DIP2B: variants seen among roughly 807,000 people sequenced by gnomAD.
DIP2B encodes disco-interacting protein 2 homolog B.
Under a neutral mutation model 198.0 loss-of-function variants are expected in DIP2B, and 76 were observed. That is an observed-to-expected ratio of 0.38 (90% CI 0.32 to 0.46). The LOEUF is 0.46. Among genes scored for constraint, DIP2B ranks in the 20% least tolerant of loss-of-function variants. The pLI is 0.99. For missense variants in DIP2B, 1,559 were observed against 1,978.4 expected, an observed-to-expected ratio of 0.79 and a Z score of 4.02; for synonymous variants, 701 against 739.1, an observed-to-expected ratio of 0.95 and a Z score of 0.84.
intron 1 of DIP2B, among the ~76,000 whole-genome samples, chr12:50,559,313 CTTTTTT>C (rs11301460): frequency 8.1e-6 from 1 of 123,032 alleles, no homozygotes. Context: ...AATTATTTGT[CTTTTTT>C]TTTTTTTTTT....
intron 1 of DIP2B, among the ~76,000 whole-genome samples, chr12:50,624,864 C>T (rs991663803): frequency 6.6e-6 from 1 of 152,130 alleles, no homozygotes; most frequent in Admixed American, 6.5e-5. Context: ...TGCTCTAGCC[C>T]TTTTTAGTGA....
intron 34 of DIP2B, among the ~76,000 whole-genome samples, chr12:50,736,750 A>G (rs1348264588): frequency 6.6e-6 from 1 of 152,224 alleles, no homozygotes; most frequent in African/African-American, 2.4e-5. Flanking sequence ...TAAGGTCCTG[A>G]TCTGCAATTT....
At chr12:50,680,348 A>T in intron 8 of DIP2B, 1 of 177,964 alleles carries the variant, frequency 5.6e-6, no homozygotes. Context: ...CCTCCCTTTC[A>T]GTATGATCAG....
At chr12:50,705,842 C>T (rs952949457) in intron 20 of DIP2B, among the ~76,000 whole-genome samples, 2 of 152,102 alleles carry the variant, frequency 1.3e-5, no homozygotes, top group African/African-American at 2.4e-5. Flanking sequence ...GTGACATTCA[C>T]GTGGAAATAA....
rs1975351 is a variant in DIP2B, at chr12:50,741,384, A to G, written c.4355-32A>G. ...GTTATGTTGCACTCAGTATATGTCC[A>G]AGCCACATTTCTCTCTTTTTCTTTC... On this transcript the variant is annotated intron_variant, in intron 36 of 37. Coordinates refer to ENST00000301180, the MANE Select transcript of DIP2B (RefSeq NM_173602.3). 1,595,980 of 1,608,814 alleles carry G rather than the reference A, an allele frequency of 0.99. 792,446 individuals carry two copies. Among genetic ancestry groups the G allele is most frequent in the East Asian group, 1 (44,862 of 44,862 alleles).
At chr12:50,635,448 A>G (rs1172031794) in intron 2 of DIP2B, among the ~76,000 whole-genome samples, 1 of 152,202 alleles carries the variant, frequency 6.6e-6, no homozygotes, top group African/African-American at 2.4e-5. Flanking sequence ...CTTGATAAGA[A>G]GTTCTGGTCA....
At chr12:50,721,479 ACT>A in intron 26 of DIP2B, 83 bp downstream of exon 26, 1 of 1,561,368 alleles carries the variant, frequency 6.4e-7, no homozygotes, top group Non-Finnish European at 8.7e-7. Context: ...ACTCAGAGCT[ACT>A]CTCTATGACT....
chr12:50,647,632 A>G (rs1031185418), intron 3 of DIP2B, among the ~76,000 whole-genome samples: 24 of 152,162 alleles, frequency 1.6e-4, no homozygotes, highest in Non-Finnish European at 2.8e-4. Flanking sequence ...TTCCTTGAAC[A>G]ATACCTCTCT....
chr12:50,544,839 G>A (rs565973248), intron 1 of DIP2B, among the ~76,000 whole-genome samples: 59 of 148,346 alleles, frequency 4.0e-4, no homozygotes, highest in African/African-American at 1.4e-3. Flanking sequence ...GGCTGATCTC[G>A]AACTCCTGAC....
intron 1 of DIP2B, among the ~76,000 whole-genome samples, chr12:50,547,518 A>G (rs185429681): frequency 1.9e-4 from 29 of 152,346 alleles, no homozygotes; most frequent in Non-Finnish European, 2.6e-4. Context: ...ACACTTGTCA[A>G]TAGAAAAATA....
chr12:50,663,555 C>CAAATAAATAACTAAATAAAT (rs1938692352), intron 4 of DIP2B, among the ~76,000 whole-genome samples: 1 of 141,808 alleles, frequency 7.1e-6, no homozygotes, highest in African/African-American at 2.6e-5. Flanking sequence ...GACTCCGTCT[C>CAAATAAATAACTAAATAAAT]AAATAAATAA....
At chr12:50,662,942 C>T (rs559016167) in intron 4 of DIP2B, among the ~76,000 whole-genome samples, 7 of 151,842 alleles carry the variant, frequency 4.6e-5, no homozygotes, top group South Asian at 2.1e-4. Context: ...AACCCCGTCC[C>T]GGCTAAAAAT....
At chr12:50,595,989 G>A (rs1278370103) in intron 1 of DIP2B, among the ~76,000 whole-genome samples, 2 of 152,124 alleles carry the variant, frequency 1.3e-5, no homozygotes, top group African/African-American at 4.8e-5. Flanking sequence ...CTGTATGTAA[G>A]GAATTTATAA....
chr12:50,675,337 G>A lies in DIP2B; in HGVS notation c.805G>A (p.Val269Ile). The A allele has an allele frequency of 6.2e-7, 1 of 1,611,938 alleles. No individual in the cohort carries two copies. The highest frequency in any genetic ancestry group is 8.5e-7 in the Non-Finnish European group (1 of 1,178,614). The change falls in exon 7 of 38, where the codon GTC (valine) becomes ATC (isoleucine). Residue 269 changes from valine (V) to isoleucine (I), a missense_variant. Transcript: ENST00000301180. ...SLMDTADGVP[V>I]SSRVSTKIQQ... is the part of the protein sequence containing the mutation. ...CATTTTTTCCCTTATAGGTGTTCCT[G>A]TCAGTAGCAGAGTATCTACAAAAAT...
intron 1 of DIP2B, among the ~76,000 whole-genome samples, chr12:50,526,153 T>C (rs1958162987): frequency 6.6e-6 from 1 of 152,176 alleles, no homozygotes; most frequent in Admixed American, 6.5e-5. Context: ...AGTGAACAAA[T>C]GGACTTTGCA....
Position 50,687,983 on chromosome 12 carries a change from G to A in DIP2B, c.1551+1301G>A, listed in dbSNP as rs1939160169. Reference sequence around the variant, plus strand: ...AATCCTGGCACTTTTGGAGGCTGAGGTGGATGCTCCTGAGGTCAGGAGTTC... The same window carrying A: ...AATCCTGGCACTTTTGGAGGCTGAGATGGATGCTCCTGAGGTCAGGAGTTC... On this transcript the variant is annotated intron_variant, in intron 12 of 37. Transcript: ENST00000301180. Among the ~76,000 whole-genome samples the A allele has an allele frequency of 3.3e-5, 5 of 152,032 alleles. No individual in the cohort carries two copies. The South Asian group carries it at 1.0e-3, about 32-fold the overall frequency.
At chr12:50,630,668 T>C (rs1053200540) in intron 2 of DIP2B, among the ~76,000 whole-genome samples, 42 of 138,770 alleles carry the variant, frequency 3.0e-4, no homozygotes, top group African/African-American at 1.1e-3. Flanking sequence ...CTTTTCTTTT[T>C]TTTTTTTTTT....
intron 1 of DIP2B, among the ~76,000 whole-genome samples, chr12:50,621,032 T>A (rs1937802298): frequency 6.6e-6 from 1 of 152,098 alleles, no homozygotes; most frequent in Non-Finnish European, 1.5e-5. Context: ...ATGGGAGGGG[T>A]CTGGGAATTC....
chr12:50,675,293 C>T, intron 6 of DIP2B, 36 bp from the exon 7 acceptor site: 1 of 1,603,662 alleles, frequency 6.2e-7, no homozygotes, highest in Non-Finnish European at 8.5e-7. Flanking sequence ...TCCTTACAGT[C>T]AATGAATTTT....
Sources: allele counts gnomAD v4.1 joint callset (sites outside exome capture counted in the v4.1 genomes callset), GRCh38; gene constraint gnomAD v4.1.1; transcripts MANE v1.5; gene names NCBI Gene and HGNC (gene_info 2026-07-23, HGNC 2026-07-21).